Variants in SLCO1B1 observed in about 807,000 individuals in gnomAD.
SLCO1B1 encodes the protein OATP-2.
A neutral mutation model predicts 70.1 loss-of-function variants in SLCO1B1; 81 were observed. That is an observed-to-expected ratio of 1.16 (90% confidence interval 0.97 to 1.39). The LOEUF (loss-of-function observed/expected upper bound fraction) is 1.39. SLCO1B1 is among the 40% of genes most tolerant of loss of function. The pLI is 0.00. For synonymous variants in SLCO1B1, 283 were observed against 271.5 expected (o/e 1.04, Z -0.42); for missense variants, 895 against 799.6 (o/e 1.12, Z -1.44).
intron 11 of SLCO1B1, among the ~76,000 whole-genome samples, chr12:21,214,771 C>T (rs867629782): frequency 2.6e-5 from 4 of 152,190 alleles, no homozygotes; most frequent in African/African-American, 7.2e-5. Context: ...CGTGGTGCGC[C>T]GTTTTTTAAG....
chr12:21,230,937 AC>A (rs1941529257), intron 14 of SLCO1B1, among the ~76,000 whole-genome samples: 1 of 151,408 alleles, frequency 6.6e-6, no homozygotes. Context: ...CTACTCATTT[AC>A]ATTAGGTATA....
At chr12:21,231,743 CACAA>C (rs1941541356) in intron 14 of SLCO1B1, among the ~76,000 whole-genome samples, 1 of 151,656 alleles carries the variant, frequency 6.6e-6, no homozygotes, top group African/African-American at 2.4e-5. Flanking sequence ...TATATATACA[CACAA>C]ACGTATATGT....
At chr12:21,178,396 T>C (rs1347059928) in intron 5 of SLCO1B1, among the ~76,000 whole-genome samples, 180 bp from the exon 6 acceptor site, 1 of 152,094 alleles carries the variant, frequency 6.6e-6, no homozygotes, top group Non-Finnish European at 1.5e-5. Context: ...ATGTATTTAT[T>C]AGCAGCATAA....
rs1041519417 is a variant in SLCO1B1, at chr12:21,140,424, C to T, written c.-61-1090C>T. On this transcript the variant is annotated intron_variant, in intron 1 of 14. Transcript: ENST00000256958. ...AGAGTCAGTTGAAGTAAAAAGTTAA[C>T]TCATTTTACTAGTCTTTAAAGTAGG... 3.9e-5 allele frequency among the ~76,000 whole-genome samples: 6 copies of T among 152,094 alleles called. No homozygotes were observed. The East Asian group carries it at 1.2e-3, about 29-fold the overall frequency.
At chr12:21,231,504 T>C (rs947347688) in intron 14 of SLCO1B1, among the ~76,000 whole-genome samples, 2 of 152,048 alleles carry the variant, frequency 1.3e-5, no homozygotes, top group African/African-American at 4.8e-5. Context: ...TTAGTTCCTT[T>C]CATGTGGTCA....
chr12:21,197,312 TA>T (rs1941105779), intron 8 of SLCO1B1, 124 bp downstream of exon 8: 2 of 973,850 alleles, frequency 2.1e-6, no homozygotes, highest in Admixed American at 5.3e-5. Flanking sequence ...GCACTAAATT[TA>T]GATAAATTAT....
Position 21,136,847 on chromosome 12 carries a change from C to T in SLCO1B1, c.-61-4667C>T, listed in dbSNP as rs1029691990. Among the ~76,000 whole-genome samples, 14 of 152,368 alleles carry T rather than the reference C, an allele frequency of 9.2e-5. 1 individual carries two copies. Among genetic ancestry groups the T allele is most frequent in the Admixed American group, 3.3e-4 (5 of 15,308 alleles). On this transcript the variant is annotated intron_variant, in intron 1 of 14. Coordinates refer to ENST00000256958, the MANE Select transcript of SLCO1B1 (RefSeq NM_006446.5). ...CTCTCAACTTGTCAAAGTCATTCTC[C>T]ATCCAGCTTTGTTCCGTTGCTGGTG...
chr12:21,208,672 G>A (rs983828938), intron 11 of SLCO1B1, among the ~76,000 whole-genome samples: 22 of 152,090 alleles, frequency 1.4e-4, no homozygotes, highest in Admixed American at 6.6e-4. Context: ...AATCATGCCG[G>A]TTGTTTGATA....
At chr12:21,196,191 T>C (rs571495250) in intron 7 of SLCO1B1, among the ~76,000 whole-genome samples, 85 of 152,284 alleles carry the variant, frequency 5.6e-4, no homozygotes, top group Admixed American at 5.0e-3. Flanking sequence ...AATAAAATAT[T>C]GTTGAAAGAA....
chr12:21,215,627 A>G (rs1015728883), intron 11 of SLCO1B1, among the ~76,000 whole-genome samples: 6 of 152,216 alleles, frequency 3.9e-5, no homozygotes, highest in East Asian at 1.9e-4. Context: ...ATATTCATCT[A>G]TATTCACCAG....
chr12:21,155,352 C>T (rs1426419202), intron 2 of SLCO1B1, among the ~76,000 whole-genome samples: 2 of 151,786 alleles, frequency 1.3e-5, no homozygotes, highest in Non-Finnish European at 2.9e-5. Flanking sequence ...TACTATTTTA[C>T]ATCTTGTACT....
chr12:21,202,991 A>G (rs1225999882), intron 10 of SLCO1B1, among the ~76,000 whole-genome samples: 3 of 152,066 alleles, frequency 2.0e-5, no homozygotes, highest in African/African-American at 7.2e-5. Flanking sequence ...AGAGAAATAC[A>G]TGGATTACAC....
chr12:21,232,346 C>T (rs965504585), intron 14 of SLCO1B1, among the ~76,000 whole-genome samples: 3 of 152,134 alleles, frequency 2.0e-5, no homozygotes, highest in African/African-American at 4.8e-5. Context: ...ATGACATTAA[C>T]TACAAAATTC....
chr12:21,146,007 A>C (rs1414735596), intron 2 of SLCO1B1, among the ~76,000 whole-genome samples: 1 of 152,294 alleles, frequency 6.6e-6, no homozygotes, highest in East Asian at 1.9e-4. Context: ...CCTCTGAAAA[A>C]AACTGTAGAG....
At chr12:21,203,792 T>C (rs906988175) in intron 10 of SLCO1B1, among the ~76,000 whole-genome samples, 1 of 148,614 alleles carries the variant, frequency 6.7e-6, no homozygotes, top group Non-Finnish European at 1.5e-5. Flanking sequence ...TATTATACTT[T>C]CCTTTATTAT....
rs760966833 is a variant in SLCO1B1, at chr12:21,239,212, G to C, written c.*23G>C. On this transcript the variant is annotated 3_prime_UTR_variant, in exon 15 of 15. Transcript: ENST00000256958. ...TAAGGGGAGAAAAAAAGCCACTTCT[G>C]CTTCTGTGTTTCCAAACAGCATTGC... 2.0e-6 allele frequency: 3 copies of C among 1,519,400 alleles called. No individual in the cohort carries two copies. In the East Asian group the frequency reaches 6.8e-5, roughly 34 times the overall value. 94.1% of individuals were successfully genotyped at this position (1,519,400 alleles called of 1,614,324 possible). A position where few individuals can be genotyped will look rare whatever the true frequency, so the allele number is the denominator to read the frequency against.
At chr12:21,148,199 G>C (rs1287279870) in intron 2 of SLCO1B1, among the ~76,000 whole-genome samples, 1 of 152,134 alleles carries the variant, frequency 6.6e-6, no homozygotes, top group Non-Finnish European at 1.5e-5. Flanking sequence ...CTATGCAGGA[G>C]CTTTTTAGTT....
At chr12:21,211,804 C>A (rs1941289840) in intron 11 of SLCO1B1, among the ~76,000 whole-genome samples, 1 of 152,164 alleles carries the variant, frequency 6.6e-6, no homozygotes. Context: ...GTGTATATGT[C>A]AAGGAATTTA....
At chr12:21,131,561 T>C (rs969130871) in intron 1 of SLCO1B1, among the ~76,000 whole-genome samples, 5 of 152,086 alleles carry the variant, frequency 3.3e-5, no homozygotes, top group African/African-American at 1.2e-4. Flanking sequence ...TAAAATATGC[T>C]ACAGGATAAT....
Sources: allele counts gnomAD v4.1 joint callset (sites outside exome capture counted in the v4.1 genomes callset), GRCh38; gene constraint gnomAD v4.1.1; transcripts MANE v1.5; gene names NCBI Gene and HGNC (gene_info 2026-07-23, HGNC 2026-07-21).